Variants in TMEM132D observed in about 807,000 individuals in gnomAD.
TMEM132D encodes mature OL transmembrane protein.
In TMEM132D, 21 loss-of-function variants were observed where a neutral mutation model predicts 62.3. The observed-to-expected ratio is 0.34, with a 90% CI of 0.24 to 0.49. The LOEUF (loss-of-function observed/expected upper bound fraction) is 0.49, where lower values mean the gene tolerates loss of function less well. Among genes scored for constraint, TMEM132D ranks in the 20% least tolerant of loss-of-function variants. The pLI is 0.99. For synonymous variants in TMEM132D, 621 were observed against 575.6 expected, an observed-to-expected ratio of 1.08 and a Z score of -1.13; for missense variants, 1,346 against 1,402.8, an observed-to-expected ratio of 0.96 and a Z score of 0.65.
At chr12:129,250,829 T>A (rs1189808195) in intron 4 of TMEM132D, among the ~76,000 whole-genome samples, 2 of 152,196 alleles carry the variant, frequency 1.3e-5, no homozygotes, top group Admixed American at 1.3e-4. Flanking sequence ...AGTGGGAGAA[T>A]GTAGTGAGAT....
At chr12:129,347,911 C>G (rs1356503106) in intron 3 of TMEM132D, among the ~76,000 whole-genome samples, 1 of 152,236 alleles carries the variant, frequency 6.6e-6, no homozygotes. Context: ...TGAAGAGACA[C>G]TTCTCAAAAG....
intron 4 of TMEM132D, among the ~76,000 whole-genome samples, chr12:129,273,817 C>T (rs760624263): frequency 9.2e-5 from 14 of 151,518 alleles, no homozygotes; most frequent in Admixed American, 3.9e-4. Flanking sequence ...GTGCTCACTT[C>T]CTTGATGATG....
chr12:129,151,345 G>A (rs891702090), intron 5 of TMEM132D, among the ~76,000 whole-genome samples: 1 of 152,190 alleles, frequency 6.6e-6, no homozygotes, highest in Non-Finnish European at 1.5e-5. Context: ...AACTGCTGGT[G>A]ATATTTGTTG....
chr12:129,412,321 C>A (rs769457748), intron 3 of TMEM132D, among the ~76,000 whole-genome samples: 10 of 152,152 alleles, frequency 6.6e-5, no homozygotes, highest in Non-Finnish European at 1.3e-4. Flanking sequence ...TATGCAAAAT[C>A]CATTTTCTTA....
At position 129,434,728 on chromosome 12, in the gene TMEM132D, T is replaced by C. The variant is rs113175192; in HGVS notation, c.1115+96331A>G. On this transcript the variant is annotated intron_variant, in intron 3 of 8. Coordinates refer to ENST00000422113, the MANE Select transcript of TMEM132D (RefSeq NM_133448.3). ...GGGTACAATATGCTGTTTGGATACA[T>C]GCATACTTTGCATAACGATCAAATC... is the stretch of plus-strand genomic sequence containing the variant. Among the ~76,000 whole-genome samples the C allele has an allele frequency of 2.3e-3, 352 of 152,246 alleles. 3 individuals carry two copies. Among genetic ancestry groups the C allele is most frequent in the African/African-American group, 7.8e-3 (326 of 41,542 alleles).
chr12:129,521,831 A>T (rs1875856614), intron 3 of TMEM132D: 1 of 152,204 alleles, frequency 6.6e-6, no homozygotes, highest in African/African-American at 2.4e-5. Context: ...TATTATGGAA[A>T]CAGCAAAATT....
chr12:129,297,314 G>A (rs540959330), intron 4 of TMEM132D, among the ~76,000 whole-genome samples: 15 of 152,196 alleles, frequency 9.9e-5, no homozygotes, highest in Non-Finnish European at 1.9e-4. Context: ...AGGCCTTCCC[G>A]AGTGATTTTG....
intron 2 of TMEM132D, among the ~76,000 whole-genome samples, chr12:129,559,987 G>A (rs2137112378): frequency 6.6e-6 from 1 of 152,240 alleles, no homozygotes; most frequent in African/African-American, 2.4e-5. Flanking sequence ...GGGTTTGGAT[G>A]GAAAACCAAC....
chr12:129,077,168 C>T (rs1156808736), intron 8 of TMEM132D, among the ~76,000 whole-genome samples: 2 of 152,214 alleles, frequency 1.3e-5, no homozygotes, highest in Non-Finnish European at 2.9e-5. Context: ...TTAGCAAGTC[C>T]AGTGTGGCAC....
chr12:129,102,242 G>C (rs765619829), intron 5 of TMEM132D, among the ~76,000 whole-genome samples: 5 of 152,180 alleles, frequency 3.3e-5, no homozygotes, highest in Non-Finnish European at 7.3e-5. Flanking sequence ...CGTACGCAGA[G>C]ACTCACTCTT....
chr12:129,412,153 A>AT (rs966223203), intron 3 of TMEM132D, among the ~76,000 whole-genome samples: 4 of 146,112 alleles, frequency 2.7e-5, no homozygotes, highest in African/African-American at 7.5e-5. Context: ...ATTCAAATTT[A>AT]TTTAAAAAAA....
At chr12:129,413,504 C>A (rs183788384) in intron 3 of TMEM132D, among the ~76,000 whole-genome samples, 3 of 144,414 alleles carry the variant, frequency 2.1e-5, no homozygotes, top group Admixed American at 7.0e-5. Context: ...TAAGTGACGT[C>A]ATTTCCAACA....
At chr12:129,304,662 CT>C (rs35812965) in intron 4 of TMEM132D, among the ~76,000 whole-genome samples, 14,079 of 93,762 alleles carry the variant, frequency 0.15, 328 homozygotes, top group East Asian at 0.17. Flanking sequence ...ATACTTGGAT[CT>C]TTTTTTTTTT....
intron 4 of TMEM132D, among the ~76,000 whole-genome samples, chr12:129,311,389 T>C (rs906310388): frequency 2.0e-5 from 3 of 152,154 alleles, no homozygotes; most frequent in Admixed American, 6.5e-5. Context: ...ACATATTACC[T>C]ATGAATAATC....
chr12:129,860,777 C>G (rs1873869808), intron 1 of TMEM132D, among the ~76,000 whole-genome samples: 1 of 152,242 alleles, frequency 6.6e-6, no homozygotes, highest in African/African-American at 2.4e-5. Context: ...GAAGGGGAAG[C>G]AAACGTGTCC....
At chr12:129,649,560 C>T (rs937771896) in intron 2 of TMEM132D, among the ~76,000 whole-genome samples, 1 of 152,056 alleles carries the variant, frequency 6.6e-6, no homozygotes, top group Admixed American at 6.6e-5. Context: ...AAATTCTTAA[C>T]TCTCATAAGT....
At chr12:129,715,489 A>G (rs1322382720) in intron 1 of TMEM132D, among the ~76,000 whole-genome samples, 5 of 152,186 alleles carry the variant, frequency 3.3e-5, no homozygotes, top group African/African-American at 1.2e-4. Flanking sequence ...TTCTGATTGT[A>G]TGGGAGTTAA....
At chr12:129,859,099 C>T (rs911475241) in intron 1 of TMEM132D, among the ~76,000 whole-genome samples, 1 of 152,136 alleles carries the variant, frequency 6.6e-6, no homozygotes, top group Non-Finnish European at 1.5e-5. Flanking sequence ...ACAAAAGAGT[C>T]CTGCGGGAGG....
intron 1 of TMEM132D, among the ~76,000 whole-genome samples, chr12:129,813,838 T>C (rs2137318196): frequency 6.6e-6 from 1 of 152,112 alleles, no homozygotes; most frequent in East Asian, 1.9e-4. Flanking sequence ...AATAAGATCA[T>C]TCAACAAGGG....
Sources: allele counts gnomAD v4.1 joint callset (sites outside exome capture counted in the v4.1 genomes callset), GRCh38; gene constraint gnomAD v4.1.1; transcripts MANE v1.5; gene names NCBI Gene and HGNC (gene_info 2026-07-23, HGNC 2026-07-21).